HIVEP3: variants seen among roughly 807,000 people sequenced by gnomAD.
HIVEP3 encodes the protein transcription factor HIVEP3.
A neutral mutation model predicts 152.8 loss-of-function variants in HIVEP3; 49 were observed. The observed-to-expected ratio is 0.32, with a 90% confidence interval of 0.26 to 0.41. The LOEUF is 0.41. Among genes scored for constraint, HIVEP3 ranks in the 10% least tolerant of loss-of-function variants. The pLI is 1.00. For synonymous variants in HIVEP3, 1,269 were observed against 1,289.0 expected (o/e 0.98, Z 0.33); for missense variants, 2,790 against 3,103.3 (o/e 0.90, Z 2.40).
Position 41,658,583 on chromosome 1 carries a change from C to G in HIVEP3, c.-720-29636G>C, listed in dbSNP as rs538852186. Among the ~76,000 whole-genome samples the G allele has an allele frequency of 1.1e-4, 17 of 152,302 alleles. No individual in the cohort carries two copies. In the South Asian group the frequency reaches 2.3e-3, roughly 20 times the overall value. ...GTGCATGTTCTCACTTCACCCCCCC[C>G]ATGAGCCTCGGGAGGCAGGTTCTCC... On this transcript the variant is annotated intron_variant, in intron 2 of 8. Transcript: ENST00000372583.
intron 1 of HIVEP3, among the ~76,000 whole-genome samples, chr1:41,755,142 A>C (rs545932567): frequency 6.6e-6 from 1 of 152,368 alleles, no homozygotes; most frequent in East Asian, 1.9e-4. Flanking sequence ...ACCCAGAAAT[A>C]GTTCCACATG....
intron 1 of HIVEP3, among the ~76,000 whole-genome samples, chr1:41,960,554 C>T (rs182083461): frequency 6.6e-6 from 1 of 152,254 alleles, no homozygotes; most frequent in East Asian, 1.9e-4. Context: ...TAGAGCTCCT[C>T]GAAGGATTAC....
rs143158912 is a variant in HIVEP3 at position 41,935,533 on chromosome 1, T to G, written n.120-17009A>C. 2.6e-3 allele frequency among the ~76,000 whole-genome samples: 395 copies of G among 152,090 alleles called. 3 individuals carry two copies. The highest frequency in any genetic ancestry group is 0.017 in the Middle Eastern group (5 of 294). ...TGGCAACAAGGGACTATTTGTTGAG[T>G]GAACATGACAACTGACCTTTCTGAG... On this transcript the variant is annotated intron_variant and non_coding_transcript_variant, in intron 1 of 3. Transcript: ENST00000489103.
At chr1:41,698,736 C>T (rs1471531985) in intron 2 of HIVEP3, among the ~76,000 whole-genome samples, 2 of 152,128 alleles carry the variant, frequency 1.3e-5, no homozygotes, top group Non-Finnish European at 2.9e-5. Flanking sequence ...CTTCGGGTGC[C>T]AGTGCTCCTG....
intron 2 of HIVEP3, among the ~76,000 whole-genome samples, chr1:41,642,744 A>G (rs12069763): frequency 0.011 from 1,746 of 152,294 alleles, 41 homozygotes; most frequent in African/African-American, 0.04. Context: ...AACCCCGTCG[A>G]CAGGGAAAGC....
At chr1:41,756,613 C>T (rs1647319713) in intron 1 of HIVEP3, among the ~76,000 whole-genome samples, 1 of 152,088 alleles carries the variant, frequency 6.6e-6, no homozygotes, top group Non-Finnish European at 1.5e-5. Context: ...GTTAAATAGA[C>T]TAGGATAAAT....
At chr1:41,601,011 A>T (rs775915644) in intron 3 of HIVEP3, among the ~76,000 whole-genome samples, 3 of 152,168 alleles carry the variant, frequency 2.0e-5, no homozygotes, top group Non-Finnish European at 2.9e-5. Flanking sequence ...TATTGAAGAG[A>T]CTACCCTTCC....
At position 41,575,702 on chromosome 1, in the gene HIVEP3, A is replaced by G. The variant is rs1282331767; in HGVS notation, c.5062-13T>C. The G allele has an allele frequency of 1.9e-6, 3 of 1,613,050 alleles. No homozygotes were observed. In the Admixed American group the frequency reaches 5.0e-5, roughly 27 times the overall value. On this transcript the variant is annotated splice_polypyrimidine_tract_variant and intron_variant, in intron 4 of 8. Coordinates refer to ENST00000372583, the MANE Select transcript of HIVEP3 (RefSeq NM_024503.5). ...AAGGGAGGTGAACCTGGCCCACCGC[A>G]GGAATGACAAAATCATTGCTGGTTA...
chr1:41,744,719 T>A (rs751620854), intron 1 of HIVEP3, among the ~76,000 whole-genome samples: 47 of 152,220 alleles, frequency 3.1e-4, no homozygotes, highest in Non-Finnish European at 5.3e-4. Context: ...AAGAAGACAG[T>A]TCACCTTCTC....
chr1:41,846,227 C>T (rs1034379584), intron 1 of HIVEP3, among the ~76,000 whole-genome samples: 1 of 152,162 alleles, frequency 6.6e-6, no homozygotes, highest in Non-Finnish European at 1.5e-5. Context: ...TAACATTCTC[C>T]TTTTCTCTCA....
At chr1:41,900,294 T>A (rs12066717) in intron 1 of HIVEP3, among the ~76,000 whole-genome samples, 1 of 152,264 alleles carries the variant, frequency 6.6e-6, no homozygotes, top group African/African-American at 2.4e-5. Context: ...CTAACATAGC[T>A]AACAAAGTGC....
intron 4 of HIVEP3, among the ~76,000 whole-genome samples, chr1:41,579,161 G>A (rs1054565464): frequency 2.0e-5 from 3 of 152,160 alleles, no homozygotes; most frequent in Non-Finnish European, 4.4e-5. Flanking sequence ...CTGGTAAGGA[G>A]GGATACTGCA....
chr1:41,670,380 T>A (rs1645855977), intron 2 of HIVEP3, among the ~76,000 whole-genome samples: 1 of 152,138 alleles, frequency 6.6e-6, no homozygotes, highest in Admixed American at 6.5e-5. Flanking sequence ...GGCCCATGTT[T>A]AGCAAAAACA....
chr1:41,866,988 G>C (rs770546810), intron 1 of HIVEP3, among the ~76,000 whole-genome samples: 1 of 152,202 alleles, frequency 6.6e-6, no homozygotes, highest in Non-Finnish European at 1.5e-5. Flanking sequence ...AGGCAAAACA[G>C]ACATCTTTAA....
chr1:41,875,286 C>G (rs527308222), intron 1 of HIVEP3, among the ~76,000 whole-genome samples: 45 of 152,316 alleles, frequency 3.0e-4, no homozygotes, highest in African/African-American at 1.0e-3. Flanking sequence ...GGAACTGTCC[C>G]GCTTGGAGAG....
At chr1:41,964,183 C>G (rs1485301841) in intron 1 of HIVEP3, among the ~76,000 whole-genome samples, 1 of 152,128 alleles carries the variant, frequency 6.6e-6, no homozygotes, top group Non-Finnish European at 1.5e-5. Flanking sequence ...ACGAAAATGG[C>G]AAGTGAATCC....
At chr1:41,914,043 T>C in intron 1 of HIVEP3, among the ~76,000 whole-genome samples, 1 of 152,148 alleles carries the variant, frequency 6.6e-6, no homozygotes. Flanking sequence ...CATATTTAGA[T>C]ATAAAGCTTC....
chr1:41,740,386 C>T (rs1411675633), intron 1 of HIVEP3, among the ~76,000 whole-genome samples: 1 of 152,230 alleles, frequency 6.6e-6, no homozygotes, highest in Non-Finnish European at 1.5e-5. Flanking sequence ...CTTCTATTGC[C>T]TATACACAGC....
chr1:42,032,658 A>T (rs1015708175), intron 1 of HIVEP3, among the ~76,000 whole-genome samples: 1 of 151,036 alleles, frequency 6.6e-6, no homozygotes, highest in Non-Finnish European at 1.5e-5. Context: ...CCCCTCCCCC[A>T]CCATTCCCCT....
Sources: gnomAD v4.1 joint callset for allele counts (sites outside exome capture counted in the v4.1 genomes callset) on GRCh38, gnomAD v4.1.1 for gene constraint, MANE v1.5 for transcripts, NCBI Gene and HGNC (gene_info 2026-07-23, HGNC 2026-07-21) for gene names.